The following BRI3 variants were observed in gnomAD, a reference collection of about 807,000 sequenced individuals.
BRI3 encodes brain protein I3, also known as membrane protein BRI3.
Under a neutral mutation model 12.8 loss-of-function variants are expected in BRI3, and 6 were observed. The ratio of observed to expected loss-of-function variants is 0.47; its 90% CI spans 0.26 to 0.93. The LOEUF is 0.93. Among genes scored for constraint, BRI3 ranks in the 40% least tolerant of loss-of-function variants. BRI3 has a pLI of 0.15. For synonymous variants in BRI3, 91 were observed against 76.1 expected (o/e 1.20, Z -1.02); for missense variants, 134 against 171.1 (o/e 0.78, Z 1.21).
Position 98,281,720 on chromosome 7 carries a change from CG to C in BRI3, c.-75del. ...CGAGCCACCCGGTCCGCCGCGTCCC[CG>C]CCGCCGCCGCCGCGTCCCCCGCCGG... On this transcript the variant is annotated 5_prime_UTR_variant, in exon 1 of 3. Coordinates refer to ENST00000297290, the MANE Select transcript of BRI3 (RefSeq NM_015379.5). 3 of 532,624 alleles carry C rather than the reference CG, an allele frequency of 5.6e-6. No homozygotes were observed. The highest frequency in any genetic ancestry group is 7.1e-6 in the Non-Finnish European group (3 of 422,284). The allele number at this position is 532,624 out of a possible 1,614,324, so 33.0% of individuals were successfully genotyped here.
intron 2 of BRI3, chr7:98,282,710 C>G (rs1799567725): frequency 2.2e-6 from 1 of 461,000 alleles, no homozygotes; most frequent in Non-Finnish European, 3.9e-6. Flanking sequence ...GCATTGCACC[C>G]CAAGTGATTG....
chr7:98,292,992 T>G, downstream of BRI3: 1 of 1,168,976 alleles, frequency 8.6e-7, no homozygotes, highest in Non-Finnish European at 1.1e-6. Context: ...CTGGAAGCTC[T>G]ACACTTAAAC....
At chr7:98,313,873 T>A (rs995632499), downstream of BRI3, among the ~76,000 whole-genome samples, 6 of 149,904 alleles carry the variant, frequency 4.0e-5, no homozygotes, top group Non-Finnish European at 8.9e-5. Flanking sequence ...CAAGTGATCC[T>A]CCTGCCTTGG....
upstream of BRI3, among the ~76,000 whole-genome samples, chr7:98,301,998 G>A (rs1221921963): frequency 3.3e-5 from 5 of 152,166 alleles, no homozygotes; most frequent in South Asian, 4.1e-4. Context: ...TCTGCTGCCC[G>A]AGGAAGTGGG....
At chr7:98,320,981 C>T in the BRI3 span, among the ~76,000 whole-genome samples, 6 of 152,254 alleles carry the variant, frequency 3.9e-5, no homozygotes, top group South Asian at 2.1e-4. Flanking sequence ...CTCAGCCTCC[C>T]GAGTAGCTGG....
At chr7:98,303,491 T>C (rs898077978), upstream of BRI3, among the ~76,000 whole-genome samples, 6 of 152,232 alleles carry the variant, frequency 3.9e-5, no homozygotes, top group African/African-American at 1.4e-4. Flanking sequence ...CCTTGTGTTA[T>C]TCTCTGCATG....
At chr7:98,310,559 A>G (rs753730581), downstream of BRI3, 8 of 1,590,976 alleles carry the variant, frequency 5.0e-6, no homozygotes, top group Admixed American at 5.7e-5. Context: ...ATCTTTGGTG[A>G]GCATTTAGAA....
chr7:98,292,676 A>G (rs754969151), downstream of BRI3: 369 of 1,550,768 alleles, frequency 2.4e-4, 2 homozygotes, highest in Non-Finnish European at 2.0e-5. Flanking sequence ...GTATCCTTTG[A>G]GAGTCTGTAC....
At chr7:98,320,375 G>T in the BRI3 span, 1 of 1,171,680 alleles carries the variant, frequency 8.5e-7, no homozygotes, top group Non-Finnish European at 1.2e-6. Context: ...TTGCTCTGTC[G>T]CCCAGGCTGG....
downstream of BRI3, among the ~76,000 whole-genome samples, chr7:98,314,690 A>G (rs962244160): frequency 2.0e-5 from 3 of 152,082 alleles, no homozygotes; most frequent in Non-Finnish European, 4.4e-5. Flanking sequence ...GATGCGCGTG[A>G]ATGGGGGCCC....
downstream of BRI3, chr7:98,292,654 C>T (rs1198270558): frequency 4.5e-6 from 7 of 1,551,664 alleles, no homozygotes; most frequent in East Asian, 7.3e-5. Context: ...AGAGGTCATC[C>T]TGGCTTTACA....
chr7:98,311,263 G>A (rs1800856678), downstream of BRI3, among the ~76,000 whole-genome samples: 1 of 152,148 alleles, frequency 6.6e-6, no homozygotes, highest in African/African-American at 2.4e-5. Flanking sequence ...AGTAAGTATG[G>A]TTGGGTGCAG....
chr7:98,305,821 A>G (rs1307149525), upstream of BRI3, among the ~76,000 whole-genome samples: 3 of 152,322 alleles, frequency 2.0e-5, no homozygotes, highest in Non-Finnish European at 2.9e-5. Flanking sequence ...TCTCTAGGCA[A>G]TAACTACTGT....
chr7:98,307,249 G>C (rs1004629909), intron 1 of BRI3: 1 of 301,326 alleles, frequency 3.3e-6, no homozygotes, highest in African/African-American at 2.3e-5. Flanking sequence ...GGGATTACAG[G>C]CGCCTGCCAC....
chr7:98,302,542 G>C (rs1800471265), upstream of BRI3, among the ~76,000 whole-genome samples: 1 of 152,176 alleles, frequency 6.6e-6, no homozygotes, highest in Non-Finnish European at 1.5e-5. Flanking sequence ...ACTCTGAGCA[G>C]GGCCTGAGGT....
downstream of BRI3, among the ~76,000 whole-genome samples, chr7:98,312,721 G>A (rs960974591): frequency 6.7e-5 from 10 of 149,912 alleles, no homozygotes; most frequent in African/African-American, 2.2e-4. Context: ...AAGTGAATCA[G>A]ACACTGTCCT....
At chr7:98,286,641 A>G (rs4729430) in intron 2 of BRI3, among the ~76,000 whole-genome samples, 147,323 of 152,312 alleles carry the variant, frequency 0.97, 71,442 homozygotes, top group South Asian at 1. Context: ...TGCTGGGGAC[A>G]GGACTGCCCT....
the BRI3 span, among the ~76,000 whole-genome samples, chr7:98,319,390 G>A: frequency 2.0e-5 from 3 of 152,170 alleles, no homozygotes; most frequent in Non-Finnish European, 4.4e-5. Flanking sequence ...GTGCTCTCCC[G>A]CACACCACCC....
At chr7:98,294,547 A>G (rs1472966128), downstream of BRI3, among the ~76,000 whole-genome samples, 1 of 152,230 alleles carries the variant, frequency 6.6e-6, no homozygotes, top group Non-Finnish European at 1.5e-5. Flanking sequence ...ACTCGGAAAC[A>G]GTTTCACAAA....
Sources: gnomAD v4.1 joint callset for allele counts (sites outside exome capture counted in the v4.1 genomes callset) on GRCh38, gnomAD v4.1.1 for gene constraint, MANE v1.5 for transcripts, NCBI Gene and HGNC (gene_info 2026-07-23, HGNC 2026-07-21) for gene names.